MYOM2: variants seen among roughly 807,000 people sequenced by gnomAD.
The protein encoded by MYOM2 is myomesin 2, also known as myomesin-2.
MYOM2 carries 254 observed loss-of-function variants against 187.6 expected under a neutral mutation model. The ratio of observed to expected loss-of-function variants is 1.35; its 90% CI spans 1.22 to 1.50. The LOEUF (loss-of-function observed/expected upper bound fraction) is 1.50, where lower values mean the gene tolerates loss of function less well. MYOM2 is among the 40% of genes most tolerant of loss of function. The pLI is 0.00. For synonymous variants in MYOM2, 981 were observed against 753.8 expected (o/e 1.30, Z -4.94); for missense variants, 2,796 against 1,924.0 (o/e 1.45, Z -8.48).
chr8:2,119,923 C>G (rs574122554), intron 28 of MYOM2, among the ~76,000 whole-genome samples: 1 of 152,208 alleles, frequency 6.6e-6, no homozygotes, highest in Non-Finnish European at 1.5e-5. Flanking sequence ...AGCGGCAGAT[C>G]CATCAGTGCA....
intron 15 of MYOM2, among the ~76,000 whole-genome samples, chr8:2,091,144 G>C (rs1253179925): frequency 1.4e-5 from 2 of 146,340 alleles, no homozygotes; most frequent in African/African-American, 2.5e-5. Context: ...CACTTTTAAA[G>C]TAATTCAAAT....
chr8:2,108,633 C>G (rs986415944), intron 23 of MYOM2, among the ~76,000 whole-genome samples, 153 bp from the exon 24 acceptor site: 4 of 152,186 alleles, frequency 2.6e-5, no homozygotes, highest in East Asian at 1.9e-4. Flanking sequence ...AAGCTATCCT[C>G]TATGTCCCTC....
chr8:2,096,292 G>A lies in MYOM2; in HGVS notation c.2171G>A (p.Gly724Asp). The stretch of plus-strand genomic sequence containing the variant: ...GGGATTACGCTCCTCAACTGTGACG[G>A]CCACTCCATGACCCTCGGCTGGAAG... ...PYGITLLNCDGHSMTLGWKVP... is the reference protein window; with the variant it reads ...PYGITLLNCDDHSMTLGWKVP... Residue 724 changes from glycine (G) to aspartate (D), a missense_variant, in exon 18 of 37, where the codon GGC becomes GAC. Gly to Asp is a moderately conservative substitution (Grantham distance 94). Coordinates refer to ENST00000262113, the MANE Select transcript of MYOM2 (RefSeq NM_003970.4). 6.2e-7 allele frequency: 1 copy of A among 1,614,142 alleles called. No homozygotes were observed. The highest frequency in any genetic ancestry group is 1.7e-5 in the Admixed American group (1 of 60,016).
chr8:2,089,867 T>A (rs2116727571), intron 14 of MYOM2, 141 bp from the exon 15 acceptor site: 2 of 620,044 alleles, frequency 3.2e-6, no homozygotes, highest in East Asian at 6.1e-5. Flanking sequence ...AAAAGATGCA[T>A]GACCATCCTT....
rs540636969 is a variant in MYOM2 at position 2,092,157 on chromosome 8, C to G, written c.1829-189C>G. On this transcript the variant is annotated intron_variant, in intron 15 of 36. Coordinates refer to ENST00000262113, the MANE Select transcript of MYOM2 (RefSeq NM_003970.4). ...GAGCTTGGGAAGAGATCAGAGAGAC[C>G]AGCACCTCCCAATGGCCCTCGGGTG... Among the ~76,000 whole-genome samples the G allele has an allele frequency of 1.6e-4, 25 of 151,924 alleles. No homozygotes were observed. In the South Asian group the frequency reaches 5.2e-3, roughly 32 times the overall value.
chr8:2,140,396 T>TGC (rs1477048636), intron 32 of MYOM2, among the ~76,000 whole-genome samples: 118,790 of 151,646 alleles, frequency 0.78, 47,017 homozygotes, highest in African/African-American at 0.91. Context: ...TCTACACAAG[T>TGC]AATTGCTGGA....
chr8:2,055,104 GGGT>G, intron 3 of MYOM2, among the ~76,000 whole-genome samples: 2 of 25,028 alleles, frequency 8.0e-5, no homozygotes, highest in Non-Finnish European at 2.4e-4. Flanking sequence ...CTGGATACTG[GGGT>G]AACCAAGTAC....
chr8:2,106,393 G>T lies in MYOM2; in HGVS notation c.2886G>T (p.Gly962=). ...AGAGGTTTAAAATTGAAACCGTGGG[G>T]GATCAGTAAGTGAGGCCTGGAAGTT... ...DDERFKIETV[G]DHSKLYLKNP... is the part of the protein sequence containing the mutation. Residue 962 remains glycine, a synonymous_variant, in exon 22 of 37, where the codon GGG becomes GGT. Coordinates refer to ENST00000262113, the MANE Select transcript of MYOM2 (RefSeq NM_003970.4). 1 of 1,613,952 alleles carries T rather than the reference G, an allele frequency of 6.2e-7. No homozygotes were observed. Among genetic ancestry groups the T allele is most frequent in the Non-Finnish European group, 8.5e-7 (1 of 1,179,824 alleles).
intron 34 of MYOM2, among the ~76,000 whole-genome samples, chr8:2,141,641 G>A (rs1798276979): frequency 1.3e-5 from 2 of 152,154 alleles, no homozygotes; most frequent in Non-Finnish European, 1.5e-5. Flanking sequence ...TGGTTGGAGG[G>A]GAGCTTATCT....
At chr8:2,069,774 C>G (rs745738609) in intron 8 of MYOM2, among the ~76,000 whole-genome samples, 2 of 152,150 alleles carry the variant, frequency 1.3e-5, no homozygotes, top group African/African-American at 4.8e-5. Context: ...AATTTGTTCC[C>G]ATGTAATTCT....
intron 3 of MYOM2, among the ~76,000 whole-genome samples, chr8:2,054,863 T>G (rs1818604165): frequency 7.1e-6 from 1 of 140,038 alleles, no homozygotes; most frequent in African/African-American, 2.8e-5. Context: ...TTCCTAGAAC[T>G]CCTCCTGGCA....
In MYOM2 at chr8:2,092,613, CG is replaced by C. The variant is rs1585891399; in HGVS notation, c.2003+94del. 9.7e-6 allele frequency: 13 copies of C among 1,341,168 alleles called. No homozygotes were observed. In the East Asian group the frequency reaches 3.2e-4, roughly 33 times the overall value. The allele number at this position is 1,341,168 out of a possible 1,614,324, so 83.1% of individuals were successfully genotyped here. A position where few individuals can be genotyped will look rare whatever the true frequency, so the allele number is the denominator to read the frequency against. ...GCCCTGGCACAGGGAGTACCATGGC[CG>C]CAAGGCTTCTGCGTAAATGAGTCTG... On this transcript the variant is annotated intron_variant, in intron 16 of 36. Coordinates refer to ENST00000262113, the MANE Select transcript of MYOM2 (RefSeq NM_003970.4).
intron 6 of MYOM2, among the ~76,000 whole-genome samples, chr8:2,059,994 G>A (rs1037334394): frequency 6.6e-6 from 1 of 152,062 alleles, no homozygotes; most frequent in African/African-American, 2.4e-5. Context: ...CACCTGCCTC[G>A]GTCTCCCAAA....
intron 15 of MYOM2, among the ~76,000 whole-genome samples, chr8:2,090,989 C>G (rs1796282886): frequency 7.4e-6 from 1 of 135,688 alleles, no homozygotes; most frequent in Non-Finnish European, 1.6e-5. Flanking sequence ...ATATGCAGTA[C>G]TGGGATTGCT....
intron 15 of MYOM2, among the ~76,000 whole-genome samples, chr8:2,092,071 C>G (rs1796321479): frequency 4.9e-5 from 2 of 40,508 alleles, no homozygotes; most frequent in Non-Finnish European, 1.5e-4. Context: ...TTTTAAACAG[C>G]TCTGATGGGA....
chr8:2,085,463 C>CACA, intron 14 of MYOM2, 73 bp downstream of exon 14: 1 of 1,532,768 alleles, frequency 6.5e-7, no homozygotes, highest in Middle Eastern at 1.9e-4. Context: ...TCTGCGTGGC[C>CACA]CACCGCTGTC....
chr8:2,064,183 C>T (rs952541894), intron 6 of MYOM2, among the ~76,000 whole-genome samples: 3 of 152,230 alleles, frequency 2.0e-5, no homozygotes, highest in Admixed American at 6.5e-5. Flanking sequence ...CCCTGCTTCC[C>T]GGCCTCGGGG....
rs184370430 is a variant in MYOM2, at chr8:2,110,495, T to C, written c.3180+964T>C. Among the ~76,000 whole-genome samples, 11 of 152,328 alleles carry C rather than the reference T, an allele frequency of 7.2e-5. No individual in the cohort carries two copies. In the South Asian group the frequency reaches 1.2e-3, roughly 17 times the overall value. On this transcript the variant is annotated intron_variant, in intron 25 of 36. Transcript: ENST00000262113. ...CAATAAATTTCCTCTTTTCTAATTATAGCGTGCCTGGGACCCGGTTAAAGG... is the reference window on the plus strand; with the variant it reads ...CAATAAATTTCCTCTTTTCTAATTACAGCGTGCCTGGGACCCGGTTAAAGG...
intron 9 of MYOM2, among the ~76,000 whole-genome samples, chr8:2,072,815 G>A (rs567879085): frequency 6.6e-6 from 1 of 152,334 alleles, no homozygotes; most frequent in East Asian, 1.9e-4. Flanking sequence ...TGCATGGAAG[G>A]GGCTGGTTAG....
Sources: allele counts gnomAD v4.1 joint callset (sites outside exome capture counted in the v4.1 genomes callset), GRCh38; gene constraint gnomAD v4.1.1; transcripts MANE v1.5; gene names NCBI Gene and HGNC (gene_info 2026-07-23, HGNC 2026-07-21).